The following CDKL5 variants were observed in gnomAD, a reference collection of about 807,000 sequenced individuals.
The protein encoded by CDKL5 is cyclin-dependent kinase-like 5.
A neutral mutation model predicts 61.7 loss-of-function variants in CDKL5; 8 were observed. The ratio of observed to expected loss-of-function variants is 0.13; its 90% CI spans 0.08 to 0.23. The LOEUF (loss-of-function observed/expected upper bound fraction) is 0.23, where lower values mean the gene tolerates loss of function less well. Among genes scored for constraint, CDKL5 ranks in the 10% least tolerant of loss-of-function variants. CDKL5 has a pLI of 1.00. For missense variants in CDKL5, 440 were observed against 734.5 expected, an observed-to-expected ratio of 0.60 and a Z score of 4.63; for synonymous variants, 275 against 272.3, an observed-to-expected ratio of 1.01 and a Z score of -0.10.
chrX:18,616,764 TC>T (rs1446358917), intron 15 of CDKL5, among the ~76,000 whole-genome samples: 1 of 112,053 alleles, frequency 8.9e-6, no homozygotes, highest in Non-Finnish European at 1.9e-5. Context: ...TCAGAGTTAC[TC>T]CCGTAGAATT....
At chrX:18,531,707 C>T (rs7058216) in intron 3 of CDKL5, among the ~76,000 whole-genome samples, 18,407 of 103,925 alleles carry the variant, frequency 0.18, 3,934 homozygotes, top group African/African-American at 0.59. Flanking sequence ...TTTCTTTTTT[C>T]TTTTTTTTTT....
intron 1 of CDKL5, among the ~76,000 whole-genome samples, chrX:18,487,549 A>G (rs181193715): frequency 1.8e-5 from 2 of 112,728 alleles, no homozygotes; most frequent in Admixed American, 9.3e-5. Flanking sequence ...CCCTCCTGCC[A>G]TGGCCTCCCA....
intron 21 of CDKL5, among the ~76,000 whole-genome samples, chrX:18,651,261 G>T (rs2147198793): frequency 1.0e-5 from 1 of 99,606 alleles, no homozygotes; most frequent in East Asian, 3.0e-4. Flanking sequence ...GTGTGTGTGT[G>T]TGTGAGAGAG....
intron 1 of CDKL5, among the ~76,000 whole-genome samples, chrX:18,449,643 C>T (rs1443267188): frequency 1.8e-5 from 2 of 112,619 alleles, no homozygotes; most frequent in Non-Finnish European, 3.7e-5. Flanking sequence ...ATTCTGGCCG[C>T]ATGGTTTCTC....
chrX:18,541,914 G>A (rs1924038103), intron 3 of CDKL5, among the ~76,000 whole-genome samples: 1 of 111,103 alleles, frequency 9.0e-6, no homozygotes, highest in South Asian at 3.7e-4. Flanking sequence ...TAAAGTATTT[G>A]TATGATGGCA....
chrX:18,598,397 G>GT (rs1926074810), intron 10 of CDKL5, 65 bp from the exon 11 acceptor site: 1 of 947,018 alleles, frequency 1.1e-6, no homozygotes, highest in Non-Finnish European at 1.5e-6. Context: ...AAAAAATAAG[G>GT]TTTTTATTAG....
intron 1 of CDKL5, among the ~76,000 whole-genome samples, chrX:18,459,208 A>G (rs753677297): frequency 4.5e-5 from 5 of 111,976 alleles, no homozygotes; most frequent in Admixed American, 1.9e-4. Flanking sequence ...TCACATTGAA[A>G]ATTTAAGAAC....
chrX:18,598,327 T>A (rs1295709141), intron 10 of CDKL5, 135 bp from the exon 11 acceptor site: 3 of 483,307 alleles, frequency 6.2e-6, no homozygotes, highest in Middle Eastern at 5.8e-4. Flanking sequence ...TTTTTTTTTT[T>A]ATTTCCTGAA....
At chrX:18,484,919 C>T (rs1398302218) in intron 1 of CDKL5, among the ~76,000 whole-genome samples, 2 of 109,881 alleles carry the variant, frequency 1.8e-5, no homozygotes, top group African/African-American at 6.6e-5. Flanking sequence ...CCACCATGCC[C>T]GGCTGACTTT....
chrX:18,449,146 C>T (rs993235951), intron 1 of CDKL5, among the ~76,000 whole-genome samples: 4 of 112,590 alleles, frequency 3.6e-5, no homozygotes, highest in Non-Finnish European at 5.6e-5. Context: ...TGAGCCACTG[C>T]GCCCGGCCTG....
At chrX:18,445,325 G>A (rs1453862221) in intron 1 of CDKL5, among the ~76,000 whole-genome samples, 5 of 111,080 alleles carry the variant, frequency 4.5e-5, no homozygotes, top group Admixed American at 9.6e-5. Context: ...GGATCTGCCC[G>A]CCTCAGCCTC....
At chrX:18,583,731 A>G (rs926763094) in intron 7 of CDKL5, among the ~76,000 whole-genome samples, 3 of 111,457 alleles carry the variant, frequency 2.7e-5, no homozygotes, top group Non-Finnish European at 5.7e-5. Flanking sequence ...GATACCCCTA[A>G]TATTCTCAGT....
At position 18,636,284 on chromosome X, in the gene CDKL5, T is replaced by C. The variant is rs903896873; in HGVS notation, c.*7527T>C. 1 of 110,096 alleles carries C rather than the reference T, an allele frequency of 9.1e-6. No individual in the cohort carries two copies. Among genetic ancestry groups the C allele is most frequent in the East Asian group, 2.8e-4 (1 of 3,569 alleles). The allele number at this position is 110,096 out of a possible 1,213,427, so 9.1% of individuals were successfully genotyped here. On this transcript the variant is annotated 3_prime_UTR_variant, in exon 18 of 18. Coordinates refer to ENST00000623535, the MANE Select transcript of CDKL5 (RefSeq NM_001323289.2). ...ATGAAAGTATTTGGTGCTTATACTT[T>C]TTAATGTTCATAGCACTTACTATGG...
At chrX:18,509,116 A>G (rs1202474452) in intron 2 of CDKL5, among the ~76,000 whole-genome samples, 1 of 97,801 alleles carries the variant, frequency 1.0e-5, no homozygotes, top group African/African-American at 3.8e-5. Flanking sequence ...ACACACACAC[A>G]CACACACACA....
At chrX:18,465,511 C>A (rs1412435172) in intron 1 of CDKL5, among the ~76,000 whole-genome samples, 1 of 109,827 alleles carries the variant, frequency 9.1e-6, no homozygotes, top group African/African-American at 3.3e-5. Flanking sequence ...ACTAAAAATA[C>A]AAAAAAAATT....
intron 3 of CDKL5, among the ~76,000 whole-genome samples, chrX:18,555,854 C>CT (rs1224203583): frequency 8.9e-6 from 1 of 112,132 alleles, no homozygotes; most frequent in Non-Finnish European, 1.9e-5. Context: ...TTGAAACGCT[C>CT]TTTTTCTTTG....
chrX:18,483,543 A>G (rs1205243395), intron 1 of CDKL5, among the ~76,000 whole-genome samples: 1 of 110,405 alleles, frequency 9.1e-6, no homozygotes, highest in Non-Finnish European at 1.9e-5. Flanking sequence ...CAGCCTCCCA[A>G]GTAGCTGGGA....
At chrX:18,448,732 GTGTTTCACAGCTCTTCAGT>G (rs1931938387) in intron 1 of CDKL5, among the ~76,000 whole-genome samples, 1 of 112,126 alleles carries the variant, frequency 8.9e-6, no homozygotes, top group African/African-American at 3.2e-5. Flanking sequence ...ATTGGCAAGG[GTGTTTCACAGCTCTTCAGT>G]TGTTTCTTTC....
chrX:18,430,058 G>A (rs1005962062), intron 1 of CDKL5, among the ~76,000 whole-genome samples: 1 of 111,943 alleles, frequency 8.9e-6, no homozygotes, highest in African/African-American at 3.3e-5. Flanking sequence ...GTCACATGGG[G>A]GACTGAACTC....
Sources: allele counts gnomAD v4.1 joint callset (sites outside exome capture counted in the v4.1 genomes callset), GRCh38; gene constraint gnomAD v4.1.1; transcripts MANE v1.5; gene names NCBI Gene and HGNC (gene_info 2026-07-23, HGNC 2026-07-21).